Variants in LONRF1 observed in about 807,000 individuals in gnomAD.
The protein encoded by LONRF1 is LON peptidase N-terminal domain and RING finger protein 1.
In LONRF1, 37 loss-of-function variants were observed where a neutral mutation model predicts 85.8. The observed-to-expected ratio is 0.43, with a 90% CI of 0.33 to 0.57. The LOEUF (loss-of-function observed/expected upper bound fraction) is 0.57. Ranked by LOEUF, LONRF1 falls within the 20% of genes least tolerant of loss-of-function variation. LONRF1 has a pLI of 0.04. For synonymous variants in LONRF1, 517 were observed against 390.1 expected (o/e 1.33, Z -3.83); for missense variants, 1,036 against 978.0 (o/e 1.06, Z -0.79).
In LONRF1 at chr8:12,743,278, G is replaced by A; in HGVS notation, c.726C>T (p.Pro242=). 1.3e-6 allele frequency: 2 copies of A among 1,552,196 alleles called. No individual in the cohort carries two copies. The highest frequency in any genetic ancestry group is 1.8e-6 in the Non-Finnish European group (2 of 1,126,388). The change falls in exon 2 of 12, where the codon CCC becomes CCT. Residue 242 remains proline, a synonymous_variant. Transcript: ENST00000398246. ...TGTAAATTTTTACAATCAAGTCACT[G>A]GGTTCTGAAATAAATATTTTATAAG... ...AAACEALRAE[P]SDLIVKIYRA...
chr8:12,750,878 G>A (rs1254425972), intron 1 of LONRF1, among the ~76,000 whole-genome samples: 2 of 152,134 alleles, frequency 1.3e-5, no homozygotes, highest in South Asian at 2.1e-4. Context: ...CCTTCTAGCC[G>A]TAACACACTT....
chr8:12,748,925 A>G (rs754847995), intron 1 of LONRF1, among the ~76,000 whole-genome samples: 1 of 151,972 alleles, frequency 6.6e-6, no homozygotes, highest in Non-Finnish European at 1.5e-5. Flanking sequence ...AATGTTCAGG[A>G]GTAGGAGTTT....
chr8:12,746,675 T>C (rs1799167273), intron 1 of LONRF1, among the ~76,000 whole-genome samples: 1 of 152,208 alleles, frequency 6.6e-6, no homozygotes, highest in African/African-American at 2.4e-5. Flanking sequence ...TTCTAAATGA[T>C]TTACAATCTT....
intron 1 of LONRF1, among the ~76,000 whole-genome samples, chr8:12,744,066 T>C (rs1458241926): frequency 6.6e-6 from 1 of 152,168 alleles, no homozygotes; most frequent in Non-Finnish European, 1.5e-5. Flanking sequence ...AAGCAAGACA[T>C]TAATTTATAA....
Position 12,729,190 on chromosome 8 carries a change from T to G in LONRF1, c.1831A>C (p.Ser611Arg). The G allele has an allele frequency of 1.2e-6, 2 of 1,613,980 alleles. No individual in the cohort carries two copies. The change falls in exon 9 of 12, where the codon AGT becomes CGT. Residue 611 changes from serine (S) to arginine (R), a missense_variant. Ser to Arg is a moderately radical substitution (Grantham distance 110). Transcript: ENST00000398246. ...AAAGCATACCTATTTTGTGTATCAC[T>G]GACACACATGCCAAACTGTTTGGTT... Reference protein sequence around the residue: ...TGTKQFGMCVSDTQNSFADYG... With the variant: ...TGTKQFGMCVRDTQNSFADYG...
Position 12,723,217 on chromosome 8 carries a change from A to G in LONRF1, c.2201T>C (p.Leu734Pro). 1 of 1,614,098 alleles carries G rather than the reference A, an allele frequency of 6.2e-7. No individual in the cohort carries two copies. The highest frequency in any genetic ancestry group is 8.5e-7 in the Non-Finnish European group (1 of 1,179,978). ...PNGPAWCWWL[L>P]AVLPVDPRYQ... is the part of the protein sequence containing the mutation. The stretch of plus-strand genomic sequence containing the variant: ...TCGTGGGTCTACAGGGAGAACTGCA[A>G]GAAGCCACCAACACCATGCAGGTCC... Residue 734 changes from leucine (L) to proline (P), a missense_variant, in exon 12 of 12, where the codon CTT (leucine) becomes CCT (proline). By Grantham distance (98) the Leu-to-Pro change is moderately conservative. This residue lies in a region of LONRF1 where 265 missense variants were observed against 301.5 expected (regional missense o/e 0.88). Transcript: ENST00000398246.
chr8:12,748,922 A>G lies in LONRF1; in HGVS notation c.722-5640T>C, dbSNP rs370661083. ...TGTTGATCATTGATTAAGAATGTTC[A>G]GGAGTAGGAGTTTGGGATAGTAAGA... On this transcript the variant is annotated intron_variant, in intron 1 of 11. Coordinates refer to ENST00000398246, the MANE Select transcript of LONRF1 (RefSeq NM_152271.5). Among the ~76,000 whole-genome samples the G allele has an allele frequency of 5.3e-5, 8 of 152,186 alleles. No individual in the cohort carries two copies. The East Asian group carries it at 9.7e-4, about 18-fold the overall frequency.
intron 11 of LONRF1, 113 bp from the exon 12 acceptor site, chr8:12,723,367 T>C: frequency 1.1e-6 from 1 of 919,362 alleles, no homozygotes; most frequent in Non-Finnish European, 1.6e-6. Flanking sequence ...TGCCAGGTGC[T>C]ATCTCCAATG....
intron 5 of LONRF1, 27 bp downstream of exon 5, chr8:12,736,873 T>C: frequency 6.3e-6 from 10 of 1,575,784 alleles, no homozygotes; most frequent in South Asian, 2.4e-5. Flanking sequence ...AAATTTATTT[T>C]ATATAAGTGT....
chr8:12,738,583 AC>A (rs1798811162), intron 3 of LONRF1: 1 of 152,450 alleles, frequency 6.6e-6, no homozygotes, highest in South Asian at 2.1e-4. Flanking sequence ...CTACAAAACT[AC>A]AAAATTCCCT....
chr8:12,738,120 C>A lies in LONRF1; in HGVS notation c.988G>T (p.Glu330Ter). The A allele has an allele frequency of 6.3e-7, 1 of 1,584,432 alleles. No homozygotes were observed. The highest frequency in any genetic ancestry group is 8.6e-7 in the Non-Finnish European group (1 of 1,160,672). Reference protein sequence around the residue: ...QKILCDLLLPENLKEGLKESS... With the variant: ...QKILCDLLLP ...TCCTTCAGGCCTTCTTTTAAGTTTT[C>A]AGGTAATAATAAATCACATAAAATC... Residue 330 changes from glutamate to a stop codon, truncating the protein, a stop_gained, in exon 4 of 12, where the codon GAA (glutamate) becomes TAA (stop). Transcript: ENST00000398246. LOFTEE classifies it high-confidence loss of function.
At chr8:12,749,754 C>T (rs1799305001) in intron 1 of LONRF1, among the ~76,000 whole-genome samples, 1 of 151,980 alleles carries the variant, frequency 6.6e-6, no homozygotes, top group South Asian at 2.1e-4. Context: ...AAAAAAAATC[C>T]TTAAAGTACC....
At chr8:12,733,794 A>C (rs925602942) in intron 7 of LONRF1, among the ~76,000 whole-genome samples, 5 of 152,222 alleles carry the variant, frequency 3.3e-5, no homozygotes, top group Non-Finnish European at 5.9e-5. Context: ...TGAGCAAAAT[A>C]AAATGACAAG....
Position 12,754,761 on chromosome 8 carries a change from C to T in LONRF1, c.660G>A (p.Glu220=), listed in dbSNP as rs1308419082. 3.3e-5 allele frequency: 48 copies of T among 1,464,330 alleles called. No homozygotes were observed. The highest frequency in any genetic ancestry group is 4.3e-5 in the Non-Finnish European group (48 of 1,116,674). 90.7% of individuals were successfully genotyped at this position (1,464,330 alleles called of 1,614,324 possible). Residue 220 remains glutamate (E), a synonymous_variant, in exon 1 of 12, where the codon GAG becomes GAA. Transcript: ENST00000398246. ...ERARAAGRLG[E]LLHQGRYREA... Reference sequence around the variant, plus strand: ...CCCGGTAGCGCCCCTGGTGCAGTAGCTCCCCGAGCCTGCCGGCCGCCCGGG... The same window carrying T: ...CCCGGTAGCGCCCCTGGTGCAGTAGTTCCCCGAGCCTGCCGGCCGCCCGGG...
intron 2 of LONRF1, among the ~76,000 whole-genome samples, chr8:12,742,887 G>C (rs1798994315): frequency 6.6e-6 from 1 of 152,060 alleles, no homozygotes; most frequent in South Asian, 2.1e-4. Flanking sequence ...AACCATGCCA[G>C]GCTCATTTTT....
intron 4 of LONRF1, 56 bp downstream of exon 4, chr8:12,737,939 T>C: frequency 6.5e-7 from 1 of 1,535,084 alleles, no homozygotes; most frequent in South Asian, 1.3e-5. Flanking sequence ...GTGAAGCTCT[T>C]AACTCGTAAA....
chr8:12,747,745 G>A (rs1247152064), intron 1 of LONRF1, among the ~76,000 whole-genome samples: 1 of 92,384 alleles, frequency 1.1e-5, no homozygotes, highest in Non-Finnish European at 2.4e-5. Flanking sequence ...CAGGTTGACT[G>A]AAATCTCTCT....
chr8:12,723,172 G>T lies in LONRF1; in HGVS notation c.2246C>A (p.Ser749Ter). The T allele has an allele frequency of 1.2e-6, 2 of 1,614,088 alleles. No homozygotes were observed. The highest frequency in any genetic ancestry group is 1.7e-6 in the Non-Finnish European group (2 of 1,180,002). The change falls in exon 12 of 12, where the codon TCA becomes TAA. Residue 749 changes from serine to a stop codon, truncating the protein, a stop_gained. Transcript: ENST00000398246. LOFTEE classifies it high-confidence loss of function. ...VDPRYQLSVL[S>*]MKSLKERLTK... Reference sequence around the variant, plus strand: ...CAACCGTTCTTTCAAAGACTTCATTGACAAAACCGACAGCTGGTATCGTGG... The same window carrying T: ...CAACCGTTCTTTCAAAGACTTCATTTACAAAACCGACAGCTGGTATCGTGG...
chr8:12,750,784 G>T (rs1799351689), intron 1 of LONRF1, among the ~76,000 whole-genome samples: 1 of 152,120 alleles, frequency 6.6e-6, no homozygotes, highest in African/African-American at 2.4e-5. Flanking sequence ...CTAAAATCGG[G>T]ATGTAATTGT....
Sources: gnomAD v4.1 joint callset for allele counts (sites outside exome capture counted in the v4.1 genomes callset) on GRCh38, gnomAD v4.1.1 for gene constraint, gnomAD v4.1.1 regional missense constraint, MANE v1.5 for transcripts, NCBI Gene and HGNC (gene_info 2026-07-23, HGNC 2026-07-21) for gene names.